Variants in LRRTM4 observed in about 807,000 individuals in gnomAD.
LRRTM4 encodes the protein leucine rich repeat transmembrane neuronal 4, also known as leucine-rich repeat transmembrane neuronal protein 4.
Under a neutral mutation model 47.6 loss-of-function variants are expected in LRRTM4, and 25 were observed. The observed-to-expected ratio is 0.53, with a 90% CI of 0.38 to 0.73. The LOEUF (loss-of-function observed/expected upper bound fraction) is 0.73. LRRTM4 is among the 30% of genes least tolerant of loss of function. The pLI is 0.00. For synonymous variants in LRRTM4, 311 were observed against 269.5 expected, an observed-to-expected ratio of 1.15 and a Z score of -1.51; for missense variants, 638 against 713.4, an observed-to-expected ratio of 0.89 and a Z score of 1.20.
intron 3 of LRRTM4, among the ~76,000 whole-genome samples, chr2:76,783,503 A>AAAC (rs1463383574): frequency 6.6e-6 from 1 of 152,074 alleles, no homozygotes; most frequent in African/African-American, 2.4e-5. Context: ...TCTTCATCTC[A>AAAC]AACTGAAACT....
chr2:76,878,509 A>T (rs1273857304), intron 3 of LRRTM4, among the ~76,000 whole-genome samples: 1 of 148,274 alleles, frequency 6.7e-6, no homozygotes, highest in Non-Finnish European at 1.5e-5. Flanking sequence ...TGCAAATGGA[A>T]AAAAAAAAAA....
At chr2:76,837,829 T>C (rs1401306975) in intron 3 of LRRTM4, among the ~76,000 whole-genome samples, 2 of 151,576 alleles carry the variant, frequency 1.3e-5, no homozygotes, top group African/African-American at 2.4e-5. Context: ...AGTAAACTAT[T>C]GCAAGGACAA....
At chr2:77,139,799 C>T (rs1672063756) in intron 3 of LRRTM4, among the ~76,000 whole-genome samples, 1 of 152,034 alleles carries the variant, frequency 6.6e-6, no homozygotes, top group South Asian at 2.1e-4. Flanking sequence ...AATCAATGTG[C>T]AAAAATCACA....
At chr2:77,477,463 C>G (rs929094266) in intron 3 of LRRTM4, among the ~76,000 whole-genome samples, 1 of 152,058 alleles carries the variant, frequency 6.6e-6, no homozygotes, top group Non-Finnish European at 1.5e-5. Context: ...TTCCATTTAT[C>G]TTCCTTTTAA....
chr2:77,424,695 T>C (rs766894452), intron 3 of LRRTM4, among the ~76,000 whole-genome samples: 4 of 152,220 alleles, frequency 2.6e-5, no homozygotes, highest in African/African-American at 7.2e-5. Context: ...ACAGTTCATA[T>C]AAACTTCTTG....
intron 3 of LRRTM4, among the ~76,000 whole-genome samples, chr2:76,872,006 C>T (rs780542142): frequency 2.6e-5 from 4 of 152,160 alleles, no homozygotes; most frequent in Non-Finnish European, 5.9e-5. Context: ...TTGTGGGGAA[C>T]CCGAGGCAGA....
At chr2:76,860,254 C>T (rs1672273731) in intron 3 of LRRTM4, among the ~76,000 whole-genome samples, 1 of 152,110 alleles carries the variant, frequency 6.6e-6, no homozygotes, top group African/African-American at 2.4e-5. Context: ...AGACATGTTA[C>T]TTTGGCTAGC....
chr2:76,806,601 G>T (rs184421540), intron 3 of LRRTM4, among the ~76,000 whole-genome samples: 1 of 151,372 alleles, frequency 6.6e-6, no homozygotes, highest in Admixed American at 6.6e-5. Flanking sequence ...TTTTTAAAAA[G>T]AAAAAAAACA....
At chr2:76,807,949 CTTTCTTTTTCTTTT>C (rs1309140110) in intron 3 of LRRTM4, among the ~76,000 whole-genome samples, 1 of 139,836 alleles carries the variant, frequency 7.2e-6, no homozygotes, top group African/African-American at 2.8e-5. Flanking sequence ...TTCTTTCTTT[CTTTCTTTTTCTTTT>C]TCTTTCCTTC....
At chr2:77,393,471 A>C (rs554466638) in intron 3 of LRRTM4, among the ~76,000 whole-genome samples, 2 of 152,138 alleles carry the variant, frequency 1.3e-5, no homozygotes, top group African/African-American at 4.8e-5. Flanking sequence ...TCCAGGCAAA[A>C]GGATGAAGTT....
At chr2:76,878,893 A>G (rs2104096763) in intron 3 of LRRTM4, among the ~76,000 whole-genome samples, 1 of 152,130 alleles carries the variant, frequency 6.6e-6, no homozygotes, top group Admixed American at 6.5e-5. Flanking sequence ...AAAAAAGTGA[A>G]ACAGCCTTAC....
chr2:77,273,267 T>C (rs945662808), intron 3 of LRRTM4, among the ~76,000 whole-genome samples: 1 of 152,168 alleles, frequency 6.6e-6, no homozygotes, highest in African/African-American at 2.4e-5. Flanking sequence ...AATGCATAAA[T>C]TACATAGAAG....
chr2:76,848,410 A>G (rs1671897303), intron 3 of LRRTM4, among the ~76,000 whole-genome samples: 1 of 152,126 alleles, frequency 6.6e-6, no homozygotes, highest in Admixed American at 6.6e-5. Context: ...CCAAAATTAT[A>G]TACTTCCCTC....
At chr2:77,140,669 A>C (rs1672095164) in intron 3 of LRRTM4, among the ~76,000 whole-genome samples, 2 of 152,324 alleles carry the variant, frequency 1.3e-5, no homozygotes, top group Non-Finnish European at 2.9e-5. Context: ...AAAAGAAACT[A>C]CCATCACAGT....
intron 3 of LRRTM4, among the ~76,000 whole-genome samples, chr2:77,445,132 A>G (rs1481809220): frequency 2.0e-5 from 3 of 152,042 alleles, no homozygotes; most frequent in African/African-American, 7.2e-5. Flanking sequence ...AAGACAATAG[A>G]TGCTAGCACC....
chr2:76,904,870 G>T (rs760478314), intron 3 of LRRTM4, among the ~76,000 whole-genome samples: 1 of 152,216 alleles, frequency 6.6e-6, no homozygotes, highest in African/African-American at 2.4e-5. Context: ...GTTTTGAAAA[G>T]GCATCATTCT....
chr2:77,250,511 G>A (rs1008506777), intron 3 of LRRTM4, among the ~76,000 whole-genome samples: 5 of 152,030 alleles, frequency 3.3e-5, no homozygotes, highest in South Asian at 2.1e-4. Context: ...CTACTGAAAC[G>A]TTACATATAC....
At chr2:76,839,403 C>T (rs946238206) in intron 3 of LRRTM4, among the ~76,000 whole-genome samples, 2 of 152,096 alleles carry the variant, frequency 1.3e-5, no homozygotes, top group Non-Finnish European at 2.9e-5. Context: ...CCCTTAAGTT[C>T]TCTAATGGTG....
At chr2:76,883,904 A>T (rs148833969) in intron 3 of LRRTM4, among the ~76,000 whole-genome samples, 57 of 152,158 alleles carry the variant, frequency 3.7e-4, no homozygotes, top group African/African-American at 1.3e-3. Context: ...CTGTAGTCTC[A>T]AACTCATGGG....
Sources: allele counts gnomAD v4.1 joint callset (sites outside exome capture counted in the v4.1 genomes callset), GRCh38; gene constraint gnomAD v4.1.1; transcripts MANE v1.5; gene names NCBI Gene and HGNC (gene_info 2026-07-23, HGNC 2026-07-21).